The following HAPLN2 variants were observed in gnomAD, a reference collection of about 807,000 sequenced individuals.
HAPLN2 encodes the protein brain link protein-1.
A neutral mutation model predicts 29.3 loss-of-function variants in HAPLN2; 27 were observed. The observed-to-expected ratio is 0.92, with a 90% CI of 0.68 to 1.27. The LOEUF is 1.27. Among genes scored for constraint, HAPLN2 ranks in the 50% most tolerant of loss-of-function variants. HAPLN2 has a pLI of 0.00. For missense variants in HAPLN2, 454 were observed against 484.3 expected (o/e 0.94, Z 0.59); for synonymous variants, 208 against 211.7 (o/e 0.98, Z 0.15).
At chr1:156,609,823 C>T in the HAPLN2 span, among the ~76,000 whole-genome samples, 23 of 152,198 alleles carry the variant, frequency 1.5e-4, no homozygotes, top group Non-Finnish European at 2.9e-4. Context: ...CGCTTACTAC[C>T]TGGGTGACAA....
rs1479426464 is a variant in HAPLN2 at position 156,623,584 on chromosome 1, C to T, written c.85+9C>T. 3 of 1,613,896 alleles carry T rather than the reference C, an allele frequency of 1.9e-6. No homozygotes were observed. The highest frequency in any genetic ancestry group is 2.7e-5 in the African/African-American group (2 of 74,914). On this transcript the variant is annotated intron_variant, in intron 3 of 6. Coordinates refer to ENST00000255039, the MANE Select transcript of HAPLN2 (RefSeq NM_021817.3). The stretch of plus-strand genomic sequence containing the variant: ...AGCCCAAGGAGACCCAGGTAAGACC[C>T]CAGCCCAGGCCAGAATCTGGGGGAG...
chr1:156,613,818 G>A, the HAPLN2 span, among the ~76,000 whole-genome samples: 1 of 150,252 alleles, frequency 6.7e-6, no homozygotes, highest in Non-Finnish European at 1.5e-5. Flanking sequence ...TTGGGAGGCT[G>A]AGACAGGAGA....
the HAPLN2 span, chr1:156,601,570 C>A: frequency 1.9e-6 from 2 of 1,060,392 alleles, no homozygotes; most frequent in Non-Finnish European, 2.8e-6. Flanking sequence ...TTGCGGAGCC[C>A]AATTTGCCGG....
At chr1:156,612,700 C>T in the HAPLN2 span, among the ~76,000 whole-genome samples, 9 of 152,228 alleles carry the variant, frequency 5.9e-5, no homozygotes, top group South Asian at 4.1e-4. Flanking sequence ...CTTAGCTACG[C>T]GAAGGACTTG....
chr1:156,609,083 G>A, the HAPLN2 span, among the ~76,000 whole-genome samples: 1 of 152,164 alleles, frequency 6.6e-6, no homozygotes, highest in Non-Finnish European at 1.5e-5. Flanking sequence ...GAAAAACAGA[G>A]GTCTGAAGCG....
chr1:156,603,441 A>G, the HAPLN2 span, among the ~76,000 whole-genome samples: 3 of 140,500 alleles, frequency 2.1e-5, no homozygotes, highest in South Asian at 6.7e-4. Context: ...CATCTCTTCT[A>G]CCCCTTCTAT....
chr1:156,623,740 A>G (rs1678334322), intron 3 of HAPLN2, 67 bp from the exon 4 acceptor site: 3 of 1,478,520 alleles, frequency 2.0e-6, no homozygotes, highest in Non-Finnish European at 2.7e-6. Context: ...TTTGGGGAGC[A>G]GGGTCTGATG....
upstream of HAPLN2, among the ~76,000 whole-genome samples, chr1:156,616,688 G>C (rs539885221): frequency 5.9e-5 from 9 of 152,290 alleles, no homozygotes; most frequent in South Asian, 1.9e-3. Flanking sequence ...GGAGACAGGG[G>C]GCTATTTGTC....
chr1:156,620,460 C>T (rs1228867652), intron 2 of HAPLN2, among the ~76,000 whole-genome samples: 1 of 152,156 alleles, frequency 6.6e-6, no homozygotes, highest in Non-Finnish European at 1.5e-5. Flanking sequence ...GTGTCAGGCA[C>T]ATTCAATTTT....
Position 156,625,237 on chromosome 1 carries a change from C to T in HAPLN2, c.876C>T (p.Gly292=). 6.4e-7 allele frequency: 1 copy of T among 1,572,568 alleles called. No homozygotes were observed. Among genetic ancestry groups the T allele is most frequent in the Non-Finnish European group, 8.6e-7 (1 of 1,160,056 alleles). ...TTTCGGGGCTAGACCAGTGCGACGG[C>T]GGCTGGCTGGCTGACGGCAGTGTGC... is the stretch of plus-strand genomic sequence containing the variant. ...WKFSGLDQCD[G]GWLADGSVRF... The change falls in exon 7 of 7, where the codon GGC becomes GGT. Residue 292 remains glycine (G), a synonymous_variant. Transcript: ENST00000255039. This position sits in a 1 kb window ranked among gnomAD's most constrained non-coding sequence, Gnocchi z 5.7.
rs1217698024 is a variant in HAPLN2, at chr1:156,624,660, T to C, written c.616T>C (p.Tyr206His). Residue 206 changes from tyrosine to histidine, a missense_variant, in exon 6 of 7, where the codon TAC (tyrosine) becomes CAC (histidine). Coordinates refer to ENST00000255039, the MANE Select transcript of HAPLN2 (RefSeq NM_021817.3). Reference protein sequence around the residue: ...AGWLLEGSVRYPVLTARAPCG... With the variant: ...AGWLLEGSVRHPVLTARAPCG... ...CTGGCTGCTCGAGGGCTCCGTGCGC[T>C]ACCCTGTGCTCACCGCACGCGCCCC... The C allele has an allele frequency of 6.2e-7, 1 of 1,610,300 alleles. No homozygotes were observed. Among genetic ancestry groups the C allele is most frequent in the East Asian group, 2.2e-5 (1 of 44,788 alleles).
rs1477991776 is a variant in HAPLN2, at chr1:156,625,110, T to G, written c.749T>G (p.Phe250Cys). ...CCGCTGTGGTCCCCAGGCCAAGTGTTCTTCGTGCCCGGGCGGCTGACGCTG... is the reference window on the plus strand; with the variant it reads ...CCGCTGTGGTCCCCAGGCCAAGTGTGCTTCGTGCCCGGGCGGCTGACGCTG... ...CFTSALAGQV[F>C]FVPGRLTLSE... is the part of the protein sequence containing the mutation. Residue 250 changes from phenylalanine to cysteine, a missense_variant, in exon 7 of 7, where the codon TTC (phenylalanine) becomes TGC (cysteine). Physicochemically the swap from Phe to Cys is radical, Grantham distance 205. This residue lies in a region of HAPLN2 where 235 missense variants were observed against 236.9 expected (regional missense o/e 0.99). Coordinates refer to ENST00000255039, the MANE Select transcript of HAPLN2 (RefSeq NM_021817.3). The surrounding 1 kb of genome is among the most constrained non-coding windows in gnomAD (Gnocchi z 5.7). The G allele has an allele frequency of 6.5e-7, 1 of 1,538,300 alleles. No individual in the cohort carries two copies. Among genetic ancestry groups the G allele is most frequent in the Non-Finnish European group, 8.7e-7 (1 of 1,146,524 alleles).
chr1:156,606,753 G>C, the HAPLN2 span, among the ~76,000 whole-genome samples: 1 of 151,992 alleles, frequency 6.6e-6, no homozygotes, highest in South Asian at 2.1e-4. Flanking sequence ...AAAGTGCTGG[G>C]ATTACAGGAG....
At chr1:156,611,493 A>G in the HAPLN2 span, among the ~76,000 whole-genome samples, 6 of 152,118 alleles carry the variant, frequency 3.9e-5, no homozygotes, top group Non-Finnish European at 8.8e-5. Context: ...TGAACCTGGG[A>G]AGTGGAAGTT....
the HAPLN2 span, chr1:156,601,536 T>A: frequency 2.1e-6 from 3 of 1,421,832 alleles, no homozygotes; most frequent in Non-Finnish European, 2.9e-6. Flanking sequence ...GGAACCAAAA[T>A]CACGGTTTTT....
chr1:156,624,300 C>A, intron 4 of HAPLN2, 51 bp from the exon 5 acceptor site: 1 of 1,535,070 alleles, frequency 6.5e-7, no homozygotes, highest in South Asian at 1.2e-5. Context: ...GCCCTTCCTC[C>A]CCCTCCGCTC....
At chr1:156,623,418 C>T (rs1014878991) in intron 2 of HAPLN2, 49 bp from the exon 3 acceptor site, 2 of 1,510,070 alleles carry the variant, frequency 1.3e-6, no homozygotes, top group Admixed American at 1.8e-5. Context: ...TGCTCTTCCC[C>T]ACCCTTTTGC....
intron 2 of HAPLN2, 85 bp from the exon 3 acceptor site, chr1:156,623,382 C>T (rs1678317580): frequency 8.7e-7 from 1 of 1,152,188 alleles, no homozygotes; most frequent in Non-Finnish European, 1.2e-6. Flanking sequence ...CTTCTAGGAT[C>T]TCTGATGGGA....
At chr1:156,615,974 A>G (rs563748496), upstream of HAPLN2, among the ~76,000 whole-genome samples, 48 of 152,214 alleles carry the variant, frequency 3.2e-4, no homozygotes, top group Admixed American at 4.6e-4. Flanking sequence ...GGAAAGAGAA[A>G]GACCAAAGAG....
Sources: gnomAD v4.1 joint callset for allele counts (sites outside exome capture counted in the v4.1 genomes callset) on GRCh38, gnomAD v4.1.1 for gene constraint, gnomAD v4.1.1 regional missense constraint, Gnocchi (gnomAD v3.1) non-coding constraint, MANE v1.5 for transcripts, NCBI Gene and HGNC (gene_info 2026-07-23, HGNC 2026-07-21) for gene names.